Variants in URI1 observed in about 807,000 individuals in gnomAD.
URI1 encodes the protein URI1 prefoldin like chaperone.
In URI1, 39 loss-of-function variants were observed where a neutral mutation model predicts 60.2. That is an observed-to-expected ratio of 0.65 (90% confidence interval 0.50 to 0.85). The LOEUF (loss-of-function observed/expected upper bound fraction) is 0.85, where lower values mean the gene tolerates loss of function less well. Ranked by LOEUF, URI1 falls within the 40% of genes least tolerant of loss-of-function variation. URI1 has a pLI of 0.00. For missense variants in URI1, 691 were observed against 665.9 expected (o/e 1.04, Z -0.42); for synonymous variants, 251 against 236.8 (o/e 1.06, Z -0.55).
chr19:30,001,052 T>A (rs984478834), intron 4 of URI1, among the ~76,000 whole-genome samples: 1 of 151,894 alleles, frequency 6.6e-6, no homozygotes, highest in African/African-American at 2.4e-5. Context: ...GGGTCTTTTT[T>A]TAAGGAGTAT....
rs764946990 is a variant in URI1, at chr19:29,961,247, C to CT, written c.118-9927dup. 8.9e-3 allele frequency among the ~76,000 whole-genome samples: 1,141 copies of CT among 128,700 alleles called. 11 individuals carry two copies. The highest frequency in any genetic ancestry group is 0.017 in the Middle Eastern group (4 of 240). The allele number at this position is 128,700 out of a possible 152,430, so 84.4% of individuals were successfully genotyped here. ...CCGTAATTACCATCCATCTCCAGGCCTTTTTTTTTTTTTTTTTTTAAATCT... is the reference window on the plus strand; with the variant it reads ...CCGTAATTACCATCCATCTCCAGGCCTTTTTTTTTTTTTTTTTTTTAAATCT... On this transcript the variant is annotated intron_variant, in intron 1 of 10. Transcript: ENST00000392271.
At chr19:29,947,160 T>TTG (rs1441066131) in intron 1 of URI1, among the ~76,000 whole-genome samples, 1 of 152,190 alleles carries the variant, frequency 6.6e-6, no homozygotes, top group Non-Finnish European at 1.5e-5. Context: ...TACCAGATCA[T>TTG]TGTAAGAGTT....
rs745994162 is a variant in URI1, at chr19:30,009,248, C to T, written c.930C>T (p.Asp310=). The change falls in exon 8 of 11, where the codon GAC becomes GAT. Residue 310 remains aspartate (D), a synonymous_variant. Coordinates refer to ENST00000392271, the MANE Select transcript of URI1 (RefSeq NM_003796.3). ...ATGATGATGATGATGACGACGACGA[C>T]GACAACATTGACGACGATGATGGTG... The part of the protein sequence containing the change: ...DDDDDDDDDD[D]DNIDDDDGDN... 2.7e-5 allele frequency: 44 copies of T among 1,613,566 alleles called. No individual in the cohort carries two copies. The East Asian group carries it at 3.8e-4, about 14-fold the overall frequency.
chr19:29,926,067 TTTCC>T (rs752936111), intron 1 of URI1, among the ~76,000 whole-genome samples: 45 of 152,124 alleles, frequency 3.0e-4, no homozygotes, highest in African/African-American at 4.1e-4. Context: ...ATCTTCCTTC[TTTCC>T]TTCCTTCCTT....
chr19:30,007,477 C>G lies in URI1; in HGVS notation c.525C>G (p.His175Gln), dbSNP rs747714196. The change falls in exon 7 of 11, where the codon CAC (histidine) becomes CAG (glutamine). Residue 175 changes from histidine (H) to glutamine (Q), a missense_variant. By Grantham distance (24) the His-to-Gln change is conservative (BLOSUM62 0). Transcript: ENST00000392271. ...TTTCCTTTTTCTAAATAGCAAAACA[C>G]CGAATTGCTCATAAACCGCATTCCA... ...IKCDFEFKAK[H>Q]RIAHKPHSKP... 1 of 1,612,438 alleles carries G rather than the reference C, an allele frequency of 6.2e-7. No individual in the cohort carries two copies. The highest frequency in any genetic ancestry group is 1.3e-5 in the African/African-American group (1 of 74,866).
chr19:29,960,410 CTCTT>C lies in URI1; in HGVS notation c.118-10781_118-10778del, dbSNP rs148228226. ...ACTAGGATTATAGATTTATTTTTCT[CTCTT>C]TTTTTAACCTTTGCTTTATATATTT... On this transcript the variant is annotated intron_variant, in intron 1 of 10. Transcript: ENST00000392271. 9.0e-3 allele frequency among the ~76,000 whole-genome samples: 1,371 copies of C among 152,058 alleles called. 72 individuals are homozygous for C. In the South Asian group the frequency reaches 0.099, roughly 11 times the overall value.
At chr19:29,988,738 T>A (rs2055705330) in intron 4 of URI1, among the ~76,000 whole-genome samples, 2 of 152,246 alleles carry the variant, frequency 1.3e-5, no homozygotes, top group Admixed American at 1.3e-4. Flanking sequence ...ACAGAGCTGC[T>A]GTAAGCCTTT....
chr19:30,001,687 C>T (rs1185874824), intron 4 of URI1, among the ~76,000 whole-genome samples: 2 of 151,946 alleles, frequency 1.3e-5, no homozygotes, highest in Non-Finnish European at 2.9e-5. Context: ...TATCCCAGAT[C>T]GACTTGTAGT....
At chr19:29,929,693 A>C (rs1040085306) in intron 1 of URI1, among the ~76,000 whole-genome samples, 7 of 152,160 alleles carry the variant, frequency 4.6e-5, no homozygotes, top group Non-Finnish European at 8.8e-5. Flanking sequence ...GCATTTCCCT[A>C]ATAATTAGTG....
Position 29,952,530 on chromosome 19 carries a change from TAAAAC to T in URI1, c.117+9869_117+9873del, listed in dbSNP as rs535836489. Among the ~76,000 whole-genome samples the T allele has an allele frequency of 8.1e-3, 1,241 of 152,278 alleles. 12 individuals carry two copies. The highest frequency in any genetic ancestry group is 0.027 in the South Asian group (130 of 4,830). ...CATTGGCATGGTTTCTTCTAGGACT[TAAAAC>T]AATACAAAGATAAACCATTACAGAA... On this transcript the variant is annotated intron_variant, in intron 1 of 10. Transcript: ENST00000392271.
chr19:29,948,050 G>A (rs112140207), intron 1 of URI1, among the ~76,000 whole-genome samples: 19 of 151,888 alleles, frequency 1.3e-4, no homozygotes, highest in South Asian at 1.0e-3. Context: ...TGTCTCCACC[G>A]CATTGTCATC....
At chr19:29,935,796 T>C (rs2054966465) in intron 1 of URI1, among the ~76,000 whole-genome samples, 1 of 150,768 alleles carries the variant, frequency 6.6e-6, no homozygotes, top group South Asian at 2.1e-4. Context: ...TTCTCTTTTC[T>C]TTTTTTTTGA....
chr19:29,986,300 G>A lies in URI1; in HGVS notation c.250G>A (p.Ala84Thr), dbSNP rs757772188. ...ACAATAGGTACCATTTGGCCCTTTT[G>A]CCTTCATGCCAGGAAAACTTGTCCA... ...YNIMVPFGPF[A>T]FMPGKLVHTN... Residue 84 changes from alanine (A) to threonine (T), a missense_variant, in exon 4 of 11, where the codon GCC becomes ACC. Physicochemically the swap from Ala to Thr is moderately conservative, Grantham distance 58. Coordinates refer to ENST00000392271, the MANE Select transcript of URI1 (RefSeq NM_003796.3). The A allele has an allele frequency of 9.4e-6, 15 of 1,589,570 alleles. No homozygotes were observed. Among genetic ancestry groups the A allele is most frequent in the Non-Finnish European group, 1.2e-5 (14 of 1,172,462 alleles).
chr19:29,985,030 G>A (rs1599702095), intron 2 of URI1, among the ~76,000 whole-genome samples, 193 bp from the exon 3 acceptor site: 2 of 150,596 alleles, frequency 1.3e-5, no homozygotes, highest in Admixed American at 6.6e-5. Flanking sequence ...TGAGGCAGGA[G>A]AATTGCTTGA....
intron 1 of URI1, among the ~76,000 whole-genome samples, chr19:29,936,074 C>T (rs894287149): frequency 6.6e-6 from 1 of 152,104 alleles, no homozygotes; most frequent in Non-Finnish European, 1.5e-5. Context: ...GCGTGAGCCA[C>T]TGTGCCCGGC....
chr19:29,977,641 GT>G (rs1479017017), intron 2 of URI1, among the ~76,000 whole-genome samples: 1 of 144,278 alleles, frequency 6.9e-6, no homozygotes, highest in Non-Finnish European at 1.5e-5. Context: ...TGTTGTTGGA[GT>G]TTCTGTAGTT....
intron 1 of URI1, among the ~76,000 whole-genome samples, chr19:29,964,464 G>GTTT (rs373357906): frequency 4.8e-5 from 6 of 124,652 alleles, no homozygotes; most frequent in Admixed American, 8.2e-5. Context: ...TTTTTGTTTT[G>GTTT]TTTTTTTTTT....
At chr19:29,945,637 C>T (rs2055093716) in intron 1 of URI1, among the ~76,000 whole-genome samples, 1 of 152,116 alleles carries the variant, frequency 6.6e-6, no homozygotes, top group South Asian at 2.1e-4. Flanking sequence ...AAGAAACATT[C>T]CCTGCAGCTT....
intron 10 of URI1, among the ~76,000 whole-genome samples, chr19:30,013,543 T>C (rs896077657): frequency 6.6e-6 from 1 of 152,158 alleles, no homozygotes; most frequent in Non-Finnish European, 1.5e-5. Flanking sequence ...GTTTGAAAAT[T>C]AGTTTTTTGT....
Sources: gnomAD v4.1 joint callset for allele counts (sites outside exome capture counted in the v4.1 genomes callset) on GRCh38, gnomAD v4.1.1 for gene constraint, MANE v1.5 for transcripts, NCBI Gene and HGNC (gene_info 2026-07-23, HGNC 2026-07-21) for gene names.